The following RASGRP1 variants were observed in gnomAD, a reference collection of about 807,000 sequenced individuals.
The protein encoded by RASGRP1 is RAS guanyl-releasing protein 1.
Under a neutral mutation model 95.1 loss-of-function variants are expected in RASGRP1, and 37 were observed. The ratio of observed to expected loss-of-function variants is 0.39; its 90% CI spans 0.30 to 0.51. The LOEUF is 0.51. Among genes scored for constraint, RASGRP1 ranks in the 20% least tolerant of loss-of-function variants. The probability of loss-of-function intolerance (pLI) is 0.80; values close to 1 mark genes in which losing one functional copy is unlikely to be tolerated. For synonymous variants in RASGRP1, 325 were observed against 353.4 expected (o/e 0.92, Z 0.90); for missense variants, 711 against 965.4 (o/e 0.74, Z 3.49).
At chr15:38,510,513 C>T (rs1230950726) in intron 8 of RASGRP1, among the ~76,000 whole-genome samples, 2 of 152,188 alleles carry the variant, frequency 1.3e-5, no homozygotes, top group African/African-American at 4.8e-5. Flanking sequence ...AGGTATCTCT[C>T]CCTAAAAAGA....
chr15:38,509,707 CAG>C (rs1326485421), intron 8 of RASGRP1, among the ~76,000 whole-genome samples: 2 of 152,186 alleles, frequency 1.3e-5, no homozygotes, highest in African/African-American at 4.8e-5. Flanking sequence ...GCCTGGGTGA[CAG>C]AGTGAGACTG....
intron 6 of RASGRP1, 132 bp downstream of exon 6, chr15:38,516,065 G>T (rs148814899): frequency 1.9e-6 from 2 of 1,041,856 alleles, no homozygotes; most frequent in East Asian, 2.4e-5. Context: ...CAGACTCTAT[G>T]ATGTCTGGCA....
chr15:38,531,955 T>C (rs1246539158), intron 2 of RASGRP1, among the ~76,000 whole-genome samples: 1 of 152,186 alleles, frequency 6.6e-6, no homozygotes, highest in Non-Finnish European at 1.5e-5. Flanking sequence ...TCTTCCTTTT[T>C]GAACAACCTC....
rs144540124 is a variant in RASGRP1 at position 38,527,779 on chromosome 15, T to C, written c.221-1375A>G. 4.7e-3 allele frequency among the ~76,000 whole-genome samples: 722 copies of C among 152,174 alleles called. 8 individuals carry two copies. The highest frequency in any genetic ancestry group is 0.017 in the African/African-American group (689 of 41,528). On this transcript the variant is annotated intron_variant, in intron 2 of 16. Coordinates refer to ENST00000310803, the MANE Select transcript of RASGRP1 (RefSeq NM_005739.4). ...GAAGTCTTGGCTCCTCAAACGACGA[T>C]CTAAAGTCATATCTCATTGAGAAAA... is the stretch of plus-strand genomic sequence containing the variant.
intron 2 of RASGRP1, among the ~76,000 whole-genome samples, chr15:38,553,521 T>C (rs1052233876): frequency 2.0e-5 from 3 of 152,218 alleles, no homozygotes; most frequent in Non-Finnish European, 4.4e-5. Context: ...AAGCCACTAC[T>C]GTAGTCCTCT....
At position 38,502,318 on chromosome 15, in the gene RASGRP1, T is replaced by C. The variant is rs1168503574; in HGVS notation, c.1532A>G (p.Lys511Arg). 3 of 1,573,550 alleles carry C rather than the reference T, an allele frequency of 1.9e-6. No homozygotes were observed. Among genetic ancestry groups the C allele is most frequent in the Admixed American group, 3.3e-5 (2 of 59,924 alleles). ...SFPFSFCVMD[K>R]DREGLISRDE... ...CCTAAGTACAAACCCTCACCTGTCT[T>C]TGTCCATCACACAGAAGGAAAATGG... is the stretch of plus-strand genomic sequence containing the variant. The change falls in exon 12 of 17, where the codon AAA becomes AGA. Residue 511 changes from lysine to arginine, a missense_variant. Lys to Arg is a conservative substitution (Grantham distance 26). Around this residue, in one of 3 missense-constraint regions of RASGRP1, gnomAD observed 491 missense variants for 676.6 expected, o/e 0.73. Coordinates refer to ENST00000310803, the MANE Select transcript of RASGRP1 (RefSeq NM_005739.4).
At position 38,506,217 on chromosome 15, in the gene RASGRP1, T is replaced by C. The variant is rs141849322; in HGVS notation, c.1243-297A>G. Among the ~76,000 whole-genome samples, 131 of 152,308 alleles carry C rather than the reference T, an allele frequency of 8.6e-4. 1 individual carries two copies. The highest frequency in any genetic ancestry group is 3.0e-3 in the African/African-American group (124 of 41,566). On this transcript the variant is annotated intron_variant, in intron 9 of 16. Coordinates refer to ENST00000310803, the MANE Select transcript of RASGRP1 (RefSeq NM_005739.4). ...CTTGTCTGGACAGATGACTAATACA[T>C]CACTTGTTCTCTCTCAAAGCAGACA...
At chr15:38,547,842 A>G (rs1893159951) in intron 2 of RASGRP1, among the ~76,000 whole-genome samples, 1 of 151,936 alleles carries the variant, frequency 6.6e-6, no homozygotes, top group South Asian at 2.1e-4. Flanking sequence ...TCCCTGCTCA[A>G]AACTGTGTGT....
At chr15:38,514,129 G>A (rs531950069) in intron 6 of RASGRP1, among the ~76,000 whole-genome samples, 1 of 152,076 alleles carries the variant, frequency 6.6e-6, no homozygotes, top group South Asian at 2.1e-4. Context: ...GGGTGGGTGG[G>A]GGGTTATTAC....
intron 3 of RASGRP1, among the ~76,000 whole-genome samples, chr15:38,521,747 G>GT (rs1340525747): frequency 6.6e-6 from 1 of 152,088 alleles, no homozygotes; most frequent in African/African-American, 2.4e-5. Flanking sequence ...AGTTCTGACT[G>GT]TACTTTTCAG....
chr15:38,490,973 G>A (rs1326604952), intron 16 of RASGRP1, among the ~76,000 whole-genome samples: 2 of 152,148 alleles, frequency 1.3e-5, no homozygotes, highest in African/African-American at 2.4e-5. Flanking sequence ...AAAACTTTTG[G>A]ATGTTTTCTC....
chr15:38,538,186 C>T (rs1025328306), intron 2 of RASGRP1, among the ~76,000 whole-genome samples: 1 of 152,160 alleles, frequency 6.6e-6, no homozygotes, highest in Non-Finnish European at 1.5e-5. Flanking sequence ...ATAGCTTGAA[C>T]CTGGGAGGCG....
intron 2 of RASGRP1, among the ~76,000 whole-genome samples, chr15:38,540,817 T>C (rs146894828): frequency 7.2e-4 from 110 of 152,338 alleles, no homozygotes; most frequent in African/African-American, 2.3e-3. Flanking sequence ...CAAAAAGCCT[T>C]TTTAGGTTTT....
intron 2 of RASGRP1, among the ~76,000 whole-genome samples, chr15:38,549,152 C>T (rs1893227862): frequency 2.0e-5 from 3 of 152,146 alleles, no homozygotes; most frequent in Admixed American, 6.5e-5. Context: ...CTGAACTCCC[C>T]AGGACTGGAG....
intron 2 of RASGRP1, among the ~76,000 whole-genome samples, chr15:38,542,585 G>A (rs1892910032): frequency 6.6e-6 from 1 of 150,496 alleles, no homozygotes. Context: ...TCAGAAATCG[G>A]CAGTGAAGTC....
At chr15:38,491,194 T>C (rs1270848816) in intron 16 of RASGRP1, among the ~76,000 whole-genome samples, 1 of 152,234 alleles carries the variant, frequency 6.6e-6, no homozygotes, top group Admixed American at 6.5e-5. Flanking sequence ...GTGGTATCAT[T>C]ATAGAGCCAA....
intron 2 of RASGRP1, among the ~76,000 whole-genome samples, chr15:38,559,600 T>A (rs1414141499): frequency 1.3e-5 from 2 of 152,190 alleles, no homozygotes; most frequent in East Asian, 3.9e-4. Context: ...ATGCAAACTC[T>A]CCTAACTTTT....
At chr15:38,550,087 A>T (rs1302864077) in intron 2 of RASGRP1, among the ~76,000 whole-genome samples, 1 of 151,734 alleles carries the variant, frequency 6.6e-6, no homozygotes, top group Non-Finnish European at 1.5e-5. Context: ...GTGAAACCCC[A>T]TCTCTACTAA....
chr15:38,536,514 A>G (rs1304720184), intron 2 of RASGRP1, among the ~76,000 whole-genome samples: 1 of 152,244 alleles, frequency 6.6e-6, no homozygotes, highest in African/African-American at 2.4e-5. Context: ...CGAAGAAGCA[A>G]CTTGGAGAAC....
Sources: gnomAD v4.1 joint callset for allele counts (sites outside exome capture counted in the v4.1 genomes callset) on GRCh38, gnomAD v4.1.1 for gene constraint, gnomAD v4.1.1 regional missense constraint, MANE v1.5 for transcripts, NCBI Gene and HGNC (gene_info 2026-07-23, HGNC 2026-07-21) for gene names.